Variants in HK1 observed in about 807,000 individuals in gnomAD.
HK1 encodes the protein hexokinase 1, also known as hexokinase-1.
Under a neutral mutation model 91.6 loss-of-function variants are expected in HK1, and 28 were observed. That is an observed-to-expected ratio of 0.31 (90% CI 0.23 to 0.42). The LOEUF is 0.42. Among genes scored for constraint, HK1 ranks in the 10% least tolerant of loss-of-function variants. The pLI is 1.00. For missense variants in HK1, 770 were observed against 1,219.8 expected (o/e 0.63, Z 5.49); for synonymous variants, 430 against 468.1 (o/e 0.92, Z 1.05).
At chr10:69,386,590 C>T (rs1057050058) in intron 13 of HK1, 172 bp downstream of exon 13, 9 of 485,500 alleles carry the variant, frequency 1.9e-5, no homozygotes, top group South Asian at 9.5e-5. Context: ...TAGACCAGCC[C>T]GGGCAATATG....
chr10:69,306,983 A>G (rs1846137879), intron 5 of HK1, among the ~76,000 whole-genome samples: 1 of 152,196 alleles, frequency 6.6e-6, no homozygotes, highest in Non-Finnish European at 1.5e-5. Context: ...GTGTTTCACA[A>G]ATATGTGTTG....
At chr10:69,290,644 T>G (rs938294289) in intron 3 of HK1, among the ~76,000 whole-genome samples, 1 of 152,042 alleles carries the variant, frequency 6.6e-6, no homozygotes, top group East Asian at 1.9e-4. Context: ...GATTACAGGC[T>G]CCCGCCACCA....
intron 1 of HK1, 63 bp downstream of exon 1, chr10:69,319,073 C>A (rs1846845795): frequency 1.3e-6 from 2 of 1,538,722 alleles, no homozygotes; most frequent in Admixed American, 3.9e-5. Context: ...CATCCGCTCG[C>A]CGCCTCCGCT....
chr10:69,281,865 G>T (rs937453087), intron 1 of HK1, among the ~76,000 whole-genome samples: 11 of 152,302 alleles, frequency 7.2e-5, no homozygotes, highest in African/African-American at 2.6e-4. Flanking sequence ...AACGTTGGCT[G>T]CCAAGTCTAG....
chr10:69,289,616 C>T lies in HK1; in HGVS notation c.-115+846C>T, dbSNP rs530404751. On this transcript the variant is annotated intron_variant, in intron 3 of 21. Transcript: ENST00000360289. ...CCTCCCTAGTAGCTGAAATTACAGG[C>T]GTGCGCCACCATGCCTGGCTAATTT... 1.3e-3 allele frequency among the ~76,000 whole-genome samples: 194 copies of T among 151,046 alleles called. 1 individual carries two copies. Among genetic ancestry groups the T allele is most frequent in the African/African-American group, 4.4e-3 (182 of 40,990 alleles).
chr10:69,316,125 G>A (rs886632434), upstream of HK1: 79 of 921,270 alleles, frequency 8.6e-5, no homozygotes, highest in African/African-American at 7.8e-4. Context: ...GAATATGAGC[G>A]GCGAACAAAT....
intron 4 of HK1, among the ~76,000 whole-genome samples, chr10:69,365,277 A>G (rs1315882282): frequency 1.3e-5 from 2 of 152,144 alleles, no homozygotes; most frequent in Non-Finnish European, 2.9e-5. Flanking sequence ...TACTGCGAAT[A>G]TGCTCAGGGC....
chr10:69,304,795 C>T (rs1468178825), intron 5 of HK1, among the ~76,000 whole-genome samples: 2 of 152,282 alleles, frequency 1.3e-5, no homozygotes, highest in East Asian at 3.9e-4. Flanking sequence ...ATAAGCTGAG[C>T]TAGGTGTCCT....
In HK1 at chr10:69,364,883, A is replaced by C; in HGVS notation, c.476A>C (p.Gln159Pro). 4 of 1,614,182 alleles carry C rather than the reference A, an allele frequency of 2.5e-6. No homozygotes were observed. Among genetic ancestry groups the C allele is most frequent in the Non-Finnish European group, 3.4e-6 (4 of 1,180,036 alleles). ...GGATTCACGTTTTCTTTTCCTTGCC[A>C]ACAATCCAAAATAGATGAGGTAAGG... Reference protein sequence around the residue: ...PVGFTFSFPCQQSKIDEAILI... With the variant: ...PVGFTFSFPCPQSKIDEAILI... The change falls in exon 4 of 18, where the codon CAA (glutamine) becomes CCA (proline). Residue 159 changes from glutamine (Q) to proline (P), a missense_variant. Physicochemically the swap from Gln to Pro is moderately conservative, Grantham distance 76. Coordinates refer to ENST00000359426, the MANE Select transcript of HK1 (RefSeq NM_000188.3).
intron 1 of HK1, among the ~76,000 whole-genome samples, chr10:69,280,324 A>G (rs906391700): frequency 4.6e-5 from 7 of 152,062 alleles, no homozygotes; most frequent in Admixed American, 2.0e-4. Context: ...TCACTGTGTT[A>G]GCCAGGATGG....
intron 2 of HK1, among the ~76,000 whole-genome samples, chr10:69,350,580 T>C (rs1160648625): frequency 6.6e-6 from 1 of 151,808 alleles, no homozygotes; most frequent in Non-Finnish European, 1.5e-5. Context: ...GAGAATTGCT[T>C]GAACCCGGGA....
intron 14 of HK1, 65 bp from the exon 15 acceptor site, chr10:69,392,060 A>AGGCCCAGTTGCAAGACCCCC (rs1327924218): frequency 2.9e-5 from 46 of 1,560,348 alleles, no homozygotes; most frequent in Non-Finnish European, 3.5e-5. Context: ...CCCAGACCCC[A>AGGCCCAGTTGCAAGACCCCC]GGCCCAGTTG....
At position 69,297,018 on chromosome 10, in the gene HK1, A is replaced by G. The variant is rs369321893; in HGVS notation, c.-67+1338A>G. On this transcript the variant is annotated intron_variant, in intron 4 of 21. Coordinates refer to the HK1 transcript ENST00000360289. ...AGAAAGTACAGTTGACCCTGAAGCAATGAGGGGGTTATGGACACTGACCAC... is the reference window on the plus strand; with the variant it reads ...AGAAAGTACAGTTGACCCTGAAGCAGTGAGGGGGTTATGGACACTGACCAC... Among the ~76,000 whole-genome samples, 67 of 152,256 alleles carry G rather than the reference A, an allele frequency of 4.4e-4. No homozygotes were observed. The South Asian group carries it at 0.013, about 31-fold the overall frequency.
At position 69,375,178 on chromosome 10, in the gene HK1, A is replaced by G. The variant is rs117959945; in HGVS notation, c.876-1756A>G. Among the ~76,000 whole-genome samples the G allele has an allele frequency of 9.2e-3, 1,409 of 152,366 alleles. 17 individuals carry two copies. The highest frequency in any genetic ancestry group is 0.016 in the Non-Finnish European group (1,086 of 68,032). ...CTAGGGTTGTAATGAGGATGAAAAA[A>G]GTTAATACAGGTAAAGTGCTGGGAA... On this transcript the variant is annotated intron_variant, in intron 7 of 17. Transcript: ENST00000359426.
Position 69,401,388 on chromosome 10 carries a change from AC to A in HK1, c.*254del. ...TGGTTTGATTTTGACCTGGTCCCCC[AC>A]GTGTGAAGTGTAGTGGCATCCATTT... On this transcript the variant is annotated 3_prime_UTR_variant, in exon 18 of 18. Coordinates refer to ENST00000359426, the MANE Select transcript of HK1 (RefSeq NM_000188.3). The A allele has an allele frequency of 1.7e-6, 1 of 580,594 alleles. No individual in the cohort carries two copies. The highest frequency in any genetic ancestry group is 3.0e-5 in the Admixed American group (1 of 33,546). The allele number at this position is 580,594 out of a possible 1,614,324, so 36.0% of individuals were successfully genotyped here.
intron 3 of HK1, among the ~76,000 whole-genome samples, chr10:69,290,613 C>T (rs1027699070): frequency 6.6e-6 from 1 of 152,194 alleles, no homozygotes; most frequent in African/African-American, 2.4e-5. Context: ...GTTTTCCTGC[C>T]TCAGCCTCCC....
chr10:69,293,133 C>A (rs549670151), intron 3 of HK1, among the ~76,000 whole-genome samples: 1 of 152,312 alleles, frequency 6.6e-6, no homozygotes, highest in East Asian at 1.9e-4. Context: ...TTTTATTCAC[C>A]CCCCTGCTCC....
At chr10:69,340,514 T>G (rs1470770502) in intron 1 of HK1, among the ~76,000 whole-genome samples, 1 of 152,190 alleles carries the variant, frequency 6.6e-6, no homozygotes, top group Non-Finnish European at 1.5e-5. Flanking sequence ...CCTCTCAAAG[T>G]TCTGGGGTTA....
intron 12 of HK1, among the ~76,000 whole-genome samples, 198 bp downstream of exon 12, chr10:69,385,113 C>G (rs749108): frequency 1.3e-5 from 2 of 152,024 alleles, no homozygotes; most frequent in Admixed American, 1.3e-4. Flanking sequence ...TCTTTGAAAG[C>G]GTCACCTTTT....
Sources: allele counts gnomAD v4.1 joint callset (sites outside exome capture counted in the v4.1 genomes callset), GRCh38; gene constraint gnomAD v4.1.1; transcripts MANE v1.5; gene names NCBI Gene and HGNC (gene_info 2026-07-23, HGNC 2026-07-21).